SGCZ: variants seen among roughly 807,000 people sequenced by gnomAD.
SGCZ encodes the protein sarcoglycan zeta, also known as zeta-sarcoglycan.
A neutral mutation model predicts 41.3 loss-of-function variants in SGCZ; 40 were observed. The ratio of observed to expected loss-of-function variants is 0.97; its 90% confidence interval spans 0.75 to 1.26. The LOEUF (loss-of-function observed/expected upper bound fraction) is 1.26, where lower values mean the gene tolerates loss of function less well. Among genes scored for constraint, SGCZ ranks in the 50% most tolerant of loss-of-function variants. SGCZ has a pLI of 0.00. For synonymous variants in SGCZ, 206 were observed against 137.5 expected (o/e 1.50, Z -3.49); for missense variants, 552 against 369.8 (o/e 1.49, Z -4.04).
At chr8:14,424,164 G>C (rs1041207639) in intron 2 of SGCZ, among the ~76,000 whole-genome samples, 1 of 152,146 alleles carries the variant, frequency 6.6e-6, no homozygotes, top group African/African-American at 2.4e-5. Context: ...TCATTACAAA[G>C]TTGAGAAAAA....
At chr8:14,817,131 G>T (rs1158229333) in intron 1 of SGCZ, among the ~76,000 whole-genome samples, 1 of 152,118 alleles carries the variant, frequency 6.6e-6, no homozygotes, top group Non-Finnish European at 1.5e-5. Context: ...TTCATTACAT[G>T]TTGCACACTC....
chr8:14,558,307 G>T (rs981942546), intron 1 of SGCZ, among the ~76,000 whole-genome samples: 6 of 152,160 alleles, frequency 3.9e-5, no homozygotes, highest in African/African-American at 1.4e-4. Context: ...GGGCACAGTG[G>T]TTCACACCTG....
intron 2 of SGCZ, among the ~76,000 whole-genome samples, chr8:14,361,311 C>G (rs1368338253): frequency 1.3e-5 from 2 of 152,156 alleles, no homozygotes; most frequent in Non-Finnish European, 2.9e-5. Flanking sequence ...CCATCACTTT[C>G]AGGTACAGCA....
At chr8:14,788,096 G>A (rs1366544862) in intron 1 of SGCZ, among the ~76,000 whole-genome samples, 4 of 152,062 alleles carry the variant, frequency 2.6e-5, no homozygotes, top group African/African-American at 9.7e-5. Flanking sequence ...TACTGTGAGT[G>A]GTAGAAAGCA....
rs564884149 is a variant in SGCZ at position 14,224,431 on chromosome 8, G to A, written c.424+13161C>T. Among the ~76,000 whole-genome samples the A allele has an allele frequency of 5.9e-5, 9 of 152,220 alleles. No homozygotes were observed. The South Asian group carries it at 1.2e-3, about 21-fold the overall frequency. Reference sequence around the variant, plus strand: ...ATATCTCTAGCTCTGAAGGTGAAAGGGATGCAGCAGTGAGTTGGAAAATCC... The same window carrying A: ...ATATCTCTAGCTCTGAAGGTGAAAGAGATGCAGCAGTGAGTTGGAAAATCC... On this transcript the variant is annotated intron_variant, in intron 4 of 7. Transcript: ENST00000382080.
chr8:14,759,768 GACACCACAATATTTAA>G (rs1197136375), intron 1 of SGCZ, among the ~76,000 whole-genome samples: 1 of 152,032 alleles, frequency 6.6e-6, no homozygotes, highest in African/African-American at 2.4e-5. Context: ...CTTGATAAAG[GACACCACAATATTTAA>G]ACTCGTATTA....
Position 15,219,330 on chromosome 8 carries a change from T to C in SGCZ, c.39+18255A>G, listed in dbSNP as rs562419529. 2.0e-3 allele frequency among the ~76,000 whole-genome samples: 302 copies of C among 152,290 alleles called. 2 individuals carry two copies. Among genetic ancestry groups the C allele is most frequent in the African/African-American group, 7.0e-3 (289 of 41,572 alleles). ...TGATTTGTATAAAATGTAAACACAA[T>C]CTTGACTGTGCTCAGTTAAAATACA... On this transcript the variant is annotated intron_variant, in intron 1 of 7. Transcript: ENST00000382080.
At chr8:14,916,937 CAGAGAA>C (rs1190782644) in intron 1 of SGCZ, among the ~76,000 whole-genome samples, 1 of 152,028 alleles carries the variant, frequency 6.6e-6, no homozygotes, top group Non-Finnish European at 1.5e-5. Context: ...TACTCAGCGT[CAGAGAA>C]AAACAGTCAT....
rs140436311 is a variant in SGCZ at position 15,165,285 on chromosome 8, C to T, written c.39+72300G>A. Among the ~76,000 whole-genome samples the T allele has an allele frequency of 8.0e-3, 1,215 of 152,064 alleles. 5 individuals are homozygous for T. Among genetic ancestry groups the T allele is most frequent in the South Asian group, 0.016 (78 of 4,820 alleles). On this transcript the variant is annotated intron_variant, in intron 1 of 7. Transcript: ENST00000382080. The stretch of plus-strand genomic sequence containing the variant: ...AGCCTGGGACAGAGCGAGACTCTGT[C>T]CTCCCCGCCCCCACCAAAAAAAACC...
intron 1 of SGCZ, among the ~76,000 whole-genome samples, chr8:14,985,675 G>A (rs998314910): frequency 6.6e-6 from 1 of 152,116 alleles, no homozygotes; most frequent in African/African-American, 2.4e-5. Flanking sequence ...TTCAAGGATG[G>A]GCTCAAGTAG....
chr8:14,163,719 A>G (rs1804119690), intron 5 of SGCZ, among the ~76,000 whole-genome samples: 1 of 152,142 alleles, frequency 6.6e-6, no homozygotes, highest in Non-Finnish European at 1.5e-5. Context: ...CCAAGAACAG[A>G]GTTGATGTTC....
intron 2 of SGCZ, among the ~76,000 whole-genome samples, chr8:14,423,459 C>A (rs916755938): frequency 6.6e-6 from 1 of 151,880 alleles, no homozygotes; most frequent in Non-Finnish European, 1.5e-5. Flanking sequence ...TCTTGTTGGC[C>A]AGGCCAGAGT....
At chr8:14,552,709 A>T (rs1379300332) in intron 2 of SGCZ, among the ~76,000 whole-genome samples, 4 of 152,026 alleles carry the variant, frequency 2.6e-5, no homozygotes, top group Non-Finnish European at 4.4e-5. Flanking sequence ...TGTGTCAATG[A>T]TTTAACAGGG....
intron 1 of SGCZ, among the ~76,000 whole-genome samples, chr8:14,690,197 A>T (rs1183713312): frequency 6.6e-6 from 1 of 151,372 alleles, no homozygotes; most frequent in Non-Finnish European, 1.5e-5. Context: ...TACAGGAAGC[A>T]TTTTTAGAAA....
intron 3 of SGCZ, among the ~76,000 whole-genome samples, chr8:14,301,670 T>C (rs1801195022): frequency 1.3e-5 from 2 of 152,238 alleles, no homozygotes; most frequent in South Asian, 4.1e-4. Flanking sequence ...CAAGGTAATA[T>C]TTATGGCCCA....
chr8:14,900,043 T>C (rs1226504126), intron 1 of SGCZ, among the ~76,000 whole-genome samples: 2 of 152,110 alleles, frequency 1.3e-5, no homozygotes, highest in African/African-American at 4.8e-5. Context: ...TTTTCTCCAG[T>C]GTTCTGTGGA....
At chr8:14,515,130 C>T (rs192104609) in intron 2 of SGCZ, among the ~76,000 whole-genome samples, 23 of 152,040 alleles carry the variant, frequency 1.5e-4, no homozygotes, top group Admixed American at 1.3e-4. Context: ...TAGGTTAAGA[C>T]ACCTGATTCT....
intron 1 of SGCZ, among the ~76,000 whole-genome samples, chr8:15,173,857 A>T (rs1799920096): frequency 6.6e-6 from 1 of 152,032 alleles, no homozygotes; most frequent in Non-Finnish European, 1.5e-5. Flanking sequence ...CTCCTGCCTC[A>T]GTTGGGAGCA....
rs1056922420 is a variant in SGCZ, at chr8:14,445,796, A to T, written c.234+108936T>A. Among the ~76,000 whole-genome samples the T allele has an allele frequency of 4.6e-5, 7 of 152,294 alleles. 1 individual carries two copies. The highest frequency in any genetic ancestry group is 4.6e-4 in the Admixed American group (7 of 15,296). ...TTAGTCTGCAGACAGTGGAGTTAGGAGAGTAATGGAATACTCCCTCTGGTT... is the reference window on the plus strand; with the variant it reads ...TTAGTCTGCAGACAGTGGAGTTAGGTGAGTAATGGAATACTCCCTCTGGTT... On this transcript the variant is annotated intron_variant, in intron 2 of 7. Transcript: ENST00000382080.
Sources: allele counts gnomAD v4.1 joint callset (sites outside exome capture counted in the v4.1 genomes callset), GRCh38; gene constraint gnomAD v4.1.1; transcripts MANE v1.5; gene names NCBI Gene and HGNC (gene_info 2026-07-23, HGNC 2026-07-21).